ARFGEF1: variants seen among roughly 807,000 people sequenced by gnomAD.
The protein encoded by ARFGEF1 is brefeldin A-inhibited guanine nucleotide-exchange protein 1.
A neutral mutation model predicts 231.0 loss-of-function variants in ARFGEF1; 42 were observed. The observed-to-expected ratio is 0.18, with a 90% confidence interval of 0.14 to 0.24. The LOEUF (loss-of-function observed/expected upper bound fraction) is 0.24. ARFGEF1 is among the 10% of genes least tolerant of loss of function. ARFGEF1 has a pLI of 1.00. For synonymous variants in ARFGEF1, 710 were observed against 732.3 expected (o/e 0.97, Z 0.49); for missense variants, 1,345 against 2,192.0 (o/e 0.61, Z 7.72).
intron 10 of ARFGEF1, among the ~76,000 whole-genome samples, chr8:67,268,868 C>G (rs1804955209): frequency 6.6e-6 from 1 of 152,296 alleles, no homozygotes; most frequent in Non-Finnish European, 1.5e-5. Flanking sequence ...AGGTATTCCT[C>G]TGGCCAAAGT....
downstream of ARFGEF1, chr8:67,195,294 G>A: frequency 2.4e-6 from 2 of 830,766 alleles, no homozygotes; most frequent in Non-Finnish European, 4.2e-6. Flanking sequence ...ATGCTGAGTT[G>A]TAATGAGTTG....
In ARFGEF1 at chr8:67,278,455, C is replaced by T. The variant is rs550107288; in HGVS notation, c.1028-998G>A. Among the ~76,000 whole-genome samples, 6 of 152,246 alleles carry T rather than the reference C, an allele frequency of 3.9e-5. No individual in the cohort carries two copies. In the East Asian group the frequency reaches 5.8e-4, roughly 15 times the overall value. On this transcript the variant is annotated intron_variant, in intron 7 of 38. Transcript: ENST00000262215. Reference sequence around the variant, plus strand: ...TTACTAATTGATAACATGTCTCCAACTTTTGAGTGACTTGAGTAATATGAA... The same window carrying T: ...TTACTAATTGATAACATGTCTCCAATTTTTGAGTGACTTGAGTAATATGAA...
At chr8:67,285,866 A>C (rs1371371349) in intron 7 of ARFGEF1, among the ~76,000 whole-genome samples, 1 of 152,212 alleles carries the variant, frequency 6.6e-6, no homozygotes, top group Non-Finnish European at 1.5e-5. Context: ...ACAAGGCAAA[A>C]GATTCTTCAA....
chr8:67,238,564 C>T (rs1587110849), intron 21 of ARFGEF1, 71 bp from the exon 22 acceptor site: 1 of 1,476,196 alleles, frequency 6.8e-7, no homozygotes, highest in East Asian at 2.4e-5. Flanking sequence ...TAAATATATG[C>T]AGCCAGGACT....
intron 23 of ARFGEF1, among the ~76,000 whole-genome samples, chr8:67,231,295 A>G (rs920537701): frequency 6.6e-6 from 1 of 152,258 alleles, no homozygotes; most frequent in African/African-American, 2.4e-5. Flanking sequence ...TGTTTTCACT[A>G]TAAGCAAAAA....
At position 67,240,198 on chromosome 8, in the gene ARFGEF1, T is replaced by C; in HGVS notation, c.2943A>G (p.Arg981=). Residue 981 remains arginine (R), a synonymous_variant, in exon 20 of 39, where the codon AGA becomes AGG. Transcript: ENST00000262215. ...AAATGCATGCAATTCTGATTGCACA[T>C]CTTATACCTTCCAGGCAAAGAGAGG... is the stretch of plus-strand genomic sequence containing the variant. ...EVASLCLEGI[R]CAIRIACIFS... 6.2e-7 allele frequency: 1 copy of C among 1,612,846 alleles called. No individual in the cohort carries two copies. Among genetic ancestry groups the C allele is most frequent in the Non-Finnish European group, 8.5e-7 (1 of 1,179,616 alleles).
At position 67,302,427 on chromosome 8, in the gene ARFGEF1, C is replaced by A. The variant is rs763259617; in HGVS notation, c.155+9G>T. ...ATTATTTTTACTAAAGAAAAGAAAT[C>A]CCACAAACCTCTGTTTTTCAGTTTC... On this transcript the variant is annotated intron_variant, in intron 2 of 38. Coordinates refer to ENST00000262215, the MANE Select transcript of ARFGEF1 (RefSeq NM_006421.5). 6.4e-7 allele frequency: 1 copy of A among 1,562,514 alleles called. No homozygotes were observed. The highest frequency in any genetic ancestry group is 2.3e-5 in the East Asian group (1 of 43,218).
chr8:67,219,252 C>T (rs943872485), intron 30 of ARFGEF1, among the ~76,000 whole-genome samples, 179 bp downstream of exon 30: 7 of 152,214 alleles, frequency 4.6e-5, no homozygotes, highest in Non-Finnish European at 1.0e-4. Context: ...CAGGCGTGAG[C>T]CACTGCGCCC....
chr8:67,325,866 A>T (rs901724156), intron 1 of ARFGEF1, among the ~76,000 whole-genome samples: 2 of 152,200 alleles, frequency 1.3e-5, no homozygotes, highest in African/African-American at 4.8e-5. Flanking sequence ...AGCTAATTTC[A>T]GGAAAGCACT....
At chr8:67,185,682 G>C (rs1272860068) in intron 5 of ARFGEF1, among the ~76,000 whole-genome samples, 2 of 152,184 alleles carry the variant, frequency 1.3e-5, no homozygotes, top group East Asian at 3.9e-4. Context: ...TCTACCCCTG[G>C]AGGTGGTAGC....
At chr8:67,341,366 T>G (rs886092073) in intron 1 of ARFGEF1, among the ~76,000 whole-genome samples, 2 of 147,960 alleles carry the variant, frequency 1.4e-5, no homozygotes, top group African/African-American at 5.0e-5. Flanking sequence ...GGTGGGAGGC[T>G]CTCTTCAGCC....
intron 29 of ARFGEF1, among the ~76,000 whole-genome samples, chr8:67,222,174 TATATACAC>T (rs1446144877): frequency 1.8e-5 from 2 of 109,350 alleles, no homozygotes; most frequent in South Asian, 5.6e-4. Flanking sequence ...CATATATATA[TATATACAC>T]ATATATATAT....
rs149639574 is a variant in ARFGEF1 at position 67,225,013 on chromosome 8, G to A, written c.4098C>T (p.Ser1366=). 1.3e-5 allele frequency: 20 copies of A among 1,598,018 alleles called. No homozygotes were observed. The highest frequency in any genetic ancestry group is 1.1e-4 in the East Asian group (5 of 44,390). ...CTTCAGGTGCTACGTTCATATCATC[G>A]CTTGTGTATTCCTTGAAAGCCTTCA... The part of the protein sequence containing the change: ...DRPQAFKEYT[S]DDMNVAPEDR... Residue 1366 remains serine (S), a synonymous_variant, in exon 29 of 39, where the codon AGC becomes AGT. Transcript: ENST00000262215.
intron 1 of ARFGEF1, among the ~76,000 whole-genome samples, chr8:67,329,620 ATTC>A (rs897729183): frequency 2.6e-5 from 4 of 151,318 alleles, no homozygotes; most frequent in African/African-American, 9.6e-5. Context: ...AAAAGCAAAT[ATTC>A]TTAAGAACAT....
intron 1 of ARFGEF1, among the ~76,000 whole-genome samples, chr8:67,307,420 G>A (rs1268094824): frequency 6.6e-6 from 1 of 152,226 alleles, no homozygotes; most frequent in African/African-American, 2.4e-5. Flanking sequence ...ACTGTTCTAA[G>A]AAAAGCTGGT....
chr8:67,203,006 A>G lies in ARFGEF1; in HGVS notation c.5128+77T>C, dbSNP rs1047577022. The G allele has an allele frequency of 5.5e-6, 8 of 1,442,244 alleles. No homozygotes were observed. The Admixed American group carries it at 6.2e-5, about 11-fold the overall frequency. 89.3% of individuals were successfully genotyped at this position (1,442,244 alleles called of 1,614,324 possible). ...TGCACAGACCTATAGCAGACAGTCA[A>G]TGAGTTCTGAGACCTGTATGTACCT... On this transcript the variant is annotated intron_variant, in intron 36 of 38. Coordinates refer to ENST00000262215, the MANE Select transcript of ARFGEF1 (RefSeq NM_006421.5).
intron 34 of ARFGEF1, chr8:67,207,035 T>C (rs1838547091): frequency 1.3e-5 from 2 of 152,212 alleles, no homozygotes; most frequent in Admixed American, 1.3e-4. Flanking sequence ...TAAATGCTAT[T>C]CTATTTAACG....
At chr8:67,272,183 T>C (rs1337059561) in intron 9 of ARFGEF1, among the ~76,000 whole-genome samples, 2 of 152,202 alleles carry the variant, frequency 1.3e-5, no homozygotes, top group African/African-American at 4.8e-5. Flanking sequence ...TTTAAATTTA[T>C]TATTTTGAGA....
At chr8:67,199,989 GA>G (rs1352040105) in intron 38 of ARFGEF1, 36 of 297,270 alleles carry the variant, frequency 1.2e-4, no homozygotes, top group Non-Finnish European at 2.1e-4. Flanking sequence ...TATGCCAAAG[GA>G]ACAGCTGCAG....
Sources: allele counts gnomAD v4.1 joint callset (sites outside exome capture counted in the v4.1 genomes callset), GRCh38; gene constraint gnomAD v4.1.1; transcripts MANE v1.5; gene names NCBI Gene and HGNC (gene_info 2026-07-23, HGNC 2026-07-21).